The following MSN variants were observed in gnomAD, a reference collection of about 807,000 sequenced individuals.
MSN encodes epididymis luminal protein 70.
In MSN, 2 loss-of-function variants were observed where a neutral mutation model predicts 48.0. The ratio of observed to expected loss-of-function variants is 0.04; its 90% CI spans 0.02 to 0.13. The LOEUF is 0.13. Among genes scored for constraint, MSN ranks in the 10% least tolerant of loss-of-function variants. The pLI is 1.00. For synonymous variants in MSN, 146 were observed against 166.9 expected, an observed-to-expected ratio of 0.87 and a Z score of 0.97; for missense variants, 267 against 470.1, an observed-to-expected ratio of 0.57 and a Z score of 3.99.
intron 1 of MSN, among the ~76,000 whole-genome samples, chrX:65,615,471 T>C (rs1292038678): frequency 2.7e-5 from 3 of 110,601 alleles, no homozygotes; most frequent in African/African-American, 1.0e-4. Flanking sequence ...GTGAGCATTT[T>C]TTCATGTGTT....
chrX:65,718,342 T>A (rs760251101), intron 2 of MSN, among the ~76,000 whole-genome samples: 88 of 110,890 alleles, frequency 7.9e-4, no homozygotes, highest in Non-Finnish European at 1.3e-3. Context: ...TCTTACCTGT[T>A]ACTCAAAAAT....
chrX:65,673,856 C>G (rs1015692063), intron 1 of MSN, among the ~76,000 whole-genome samples: 6 of 111,338 alleles, frequency 5.4e-5, no homozygotes, highest in African/African-American at 2.0e-4. Context: ...GGTGATAGTG[C>G]CAGGACTAAA....
chrX:65,631,711 G>GTTGCCCA (rs1372896043), intron 1 of MSN, among the ~76,000 whole-genome samples: 2 of 111,636 alleles, frequency 1.8e-5, no homozygotes, highest in African/African-American at 6.5e-5. Flanking sequence ...GTCTCACTCT[G>GTTGCCCA]TTGCCCATGC....
At chrX:65,679,347 G>A (rs1169626495) in intron 1 of MSN, among the ~76,000 whole-genome samples, 2 of 111,931 alleles carry the variant, frequency 1.8e-5, no homozygotes, top group African/African-American at 6.5e-5. Context: ...CTATGAAATT[G>A]CTTTTGACTG....
At chrX:65,664,531 G>T (rs759001879), upstream of MSN, among the ~76,000 whole-genome samples, 4 of 111,001 alleles carry the variant, frequency 3.6e-5, no homozygotes, top group Non-Finnish European at 7.6e-5. Context: ...TAGCTATCTG[G>T]CCTTGGGTAA....
chrX:65,655,634 G>T (rs2070775601), intron 1 of MSN, among the ~76,000 whole-genome samples: 1 of 112,789 alleles, frequency 8.9e-6, no homozygotes, highest in South Asian at 3.6e-4. Flanking sequence ...TCTCCCACTT[G>T]ATCCAGCTCT....
At chrX:65,674,274 T>G (rs759148208) in intron 1 of MSN, among the ~76,000 whole-genome samples, 84 of 111,079 alleles carry the variant, frequency 7.6e-4, no homozygotes, top group African/African-American at 2.6e-3. Flanking sequence ...GCCAGAGGGG[T>G]TAGGCAGCTT....
intron 1 of MSN, among the ~76,000 whole-genome samples, chrX:65,685,910 C>G (rs776910288): frequency 3.6e-5 from 4 of 112,355 alleles, no homozygotes; most frequent in African/African-American, 1.3e-4. Context: ...TACAACCCCC[C>G]ACTGCTAAAT....
chrX:65,693,352 G>C (rs902314269), intron 1 of MSN, among the ~76,000 whole-genome samples: 3 of 112,289 alleles, frequency 2.7e-5, no homozygotes, highest in African/African-American at 9.7e-5. Flanking sequence ...CCTTCTGCTA[G>C]CTTTTGATGT....
At chrX:65,705,249 CTTAGAGGACA>C (rs2071350053) in intron 1 of MSN, among the ~76,000 whole-genome samples, 1 of 111,411 alleles carries the variant, frequency 9.0e-6, no homozygotes, top group Non-Finnish European at 1.9e-5. Context: ...TGTTTATTTT[CTTAGAGGACA>C]AGTTGAAGTT....
intron 12 of MSN, 129 bp downstream of exon 12, chrX:65,739,323 C>A: frequency 1.6e-6 from 1 of 631,012 alleles, no homozygotes; most frequent in Non-Finnish European, 2.5e-6. Context: ...CCAAGCCGTT[C>A]TTAAGTGACA....
intron 1 of MSN, among the ~76,000 whole-genome samples, chrX:65,638,454 A>G (rs757043581): frequency 1.2e-4 from 13 of 112,974 alleles, no homozygotes; most frequent in Non-Finnish European, 2.4e-4. Context: ...AGTACCTTGA[A>G]GGACTAGGAA....
intron 1 of MSN, among the ~76,000 whole-genome samples, chrX:65,683,547 A>G (rs186823569): frequency 1.8e-5 from 2 of 108,265 alleles, no homozygotes; most frequent in African/African-American, 3.4e-5. Flanking sequence ...CCTCCCATCC[A>G]CTCCTGAGAA....
chrX:65,590,012 T>C (rs2070132833), intron 1 of MSN, among the ~76,000 whole-genome samples: 1 of 110,894 alleles, frequency 9.0e-6, no homozygotes, highest in East Asian at 2.8e-4. Context: ...ATTACAGGTG[T>C]ACACTGCCCT....
At chrX:65,666,177 G>GTT (rs112865950), upstream of MSN, among the ~76,000 whole-genome samples, 2 of 100,553 alleles carry the variant, frequency 2.0e-5, no homozygotes, top group African/African-American at 7.3e-5. Flanking sequence ...TAATTTTTTT[G>GTT]TTTTTTTTTT....
intron 1 of MSN, among the ~76,000 whole-genome samples, chrX:65,657,123 G>A (rs1228526269): frequency 9.0e-6 from 1 of 111,662 alleles, no homozygotes; most frequent in Non-Finnish European, 1.9e-5. Context: ...ATGGAGTGAA[G>A]CTGTGAAGGA....
chrX:65,678,275 C>T lies in MSN; in HGVS notation c.12+10422C>T, dbSNP rs1245044071. Among the ~76,000 whole-genome samples, 3 of 111,693 alleles carry T rather than the reference C, an allele frequency of 2.7e-5. No homozygotes were observed. In the Admixed American group the frequency reaches 2.9e-4, roughly 11 times the overall value. On this transcript the variant is annotated intron_variant, in intron 1 of 12. Coordinates refer to ENST00000360270, the MANE Select transcript of MSN (RefSeq NM_002444.3). ...ATACCACCTGCAAACTTCTTTTCTT[C>T]TTGTTTAGAGTCCTAATATGGGGGA...
intron 1 of MSN, among the ~76,000 whole-genome samples, chrX:65,634,564 G>C (rs2070584414): frequency 1.8e-5 from 2 of 110,773 alleles, no homozygotes; most frequent in Admixed American, 9.6e-5. Flanking sequence ...AGTGAGCCGA[G>C]ATCGCAACAC....
At chrX:65,697,790 C>A (rs2071260405) in intron 1 of MSN, among the ~76,000 whole-genome samples, 1 of 112,301 alleles carries the variant, frequency 8.9e-6, no homozygotes, top group Non-Finnish European at 1.9e-5. Context: ...GTTAAATTGT[C>A]AATTTGTGTT....
Sources: allele counts gnomAD v4.1 joint callset (sites outside exome capture counted in the v4.1 genomes callset), GRCh38; gene constraint gnomAD v4.1.1; transcripts MANE v1.5; gene names NCBI Gene and HGNC (gene_info 2026-07-23, HGNC 2026-07-21).